The following DBF4B variants were observed in gnomAD, a reference collection of about 807,000 sequenced individuals.
DBF4B encodes DBF4B-CDC7 kinase regulatory subunit, also known as protein DBF4 homolog B.
In DBF4B, 49 loss-of-function variants were observed where a neutral mutation model predicts 53.4. That is an observed-to-expected ratio of 0.92 (90% confidence interval 0.73 to 1.16). The LOEUF (loss-of-function observed/expected upper bound fraction) is 1.16, where lower values mean the gene tolerates loss of function less well. Ranked by LOEUF, DBF4B falls within the 50% of genes most tolerant of loss-of-function variation. DBF4B has a pLI of 0.00. For synonymous variants in DBF4B, 257 were observed against 288.7 expected (o/e 0.89, Z 1.11); for missense variants, 692 against 775.0 (o/e 0.89, Z 1.27).
At position 44,752,220 on chromosome 17, in the gene DBF4B, G is replaced by T; in HGVS notation, c.*967G>T. Reference sequence around the variant, plus strand: ...GTCTTTAAGTAAGGGGCTTGGATGAGATGATTTCAGGACCCTTTCCAATAA... The same window carrying T: ...GTCTTTAAGTAAGGGGCTTGGATGATATGATTTCAGGACCCTTTCCAATAA... On this transcript the variant is annotated 3_prime_UTR_variant, in exon 14 of 14. Coordinates refer to ENST00000315005, the MANE Select transcript of DBF4B (RefSeq NM_145663.3). 1.9e-6 allele frequency: 1 copy of T among 528,030 alleles called. No homozygotes were observed. The highest frequency in any genetic ancestry group is 3.4e-6 in the Non-Finnish European group (1 of 292,042). The allele number at this position is 528,030 out of a possible 1,614,324, so 32.7% of individuals were successfully genotyped here. A position where few individuals can be genotyped will look rare whatever the true frequency, so the allele number is the denominator to read the frequency against.
chr17:44,738,758 GTGTATGC>G (rs535425273), intron 9 of DBF4B, among the ~76,000 whole-genome samples: 369 of 152,296 alleles, frequency 2.4e-3, no homozygotes, highest in Non-Finnish European at 3.8e-3. Flanking sequence ...TTCCCCTTGG[GTGTATGC>G]TGACATTTCA....
At chr17:44,738,684 C>T (rs931743780) in intron 9 of DBF4B, among the ~76,000 whole-genome samples, 15 of 152,180 alleles carry the variant, frequency 9.9e-5, no homozygotes, top group South Asian at 2.1e-4. Context: ...TGTGAATTAC[C>T]TCCATTTAAT....
At position 44,751,900 on chromosome 17, in the gene DBF4B, C is replaced by A. The variant is rs749384869; in HGVS notation, c.*647C>A. The A allele has an allele frequency of 2.0e-6, 3 of 1,536,208 alleles. No individual in the cohort carries two copies. Among genetic ancestry groups the A allele is most frequent in the South Asian group, 1.2e-5 (1 of 84,058 alleles). On this transcript the variant is annotated 3_prime_UTR_variant, in exon 14 of 14. Coordinates refer to ENST00000315005, the MANE Select transcript of DBF4B (RefSeq NM_145663.3). ...TGGCCTGGTTCTCCTGTCCCCCTGC[C>A]CTTCCTCACCATTGCCCATTCCCTC...
intron 7 of DBF4B, among the ~76,000 whole-genome samples, chr17:44,734,994 C>T (rs1374582376): frequency 6.6e-6 from 1 of 152,078 alleles, no homozygotes; most frequent in African/African-American, 2.4e-5. Context: ...ATCCCAGCTA[C>T]TCAGGAGGCT....
intron 2 of DBF4B, among the ~76,000 whole-genome samples, chr17:44,714,448 TG>T (rs1973156892): frequency 6.6e-6 from 1 of 151,270 alleles, no homozygotes; most frequent in Non-Finnish European, 1.5e-5. Flanking sequence ...TATGCCGATG[TG>T]GTAACAGTCT....
At chr17:44,736,684 C>T (rs1287098738) in intron 7 of DBF4B, 146 bp from the exon 8 acceptor site, 2 of 812,614 alleles carry the variant, frequency 2.5e-6, no homozygotes, top group Non-Finnish European at 4.2e-6. Context: ...TCTGCTCCAG[C>T]TCAGGGCCTG....
At chr17:44,737,724 G>T (rs889640563) in intron 8 of DBF4B, among the ~76,000 whole-genome samples, 1 of 152,070 alleles carries the variant, frequency 6.6e-6, no homozygotes, top group East Asian at 1.9e-4. Context: ...ATCTAATAGG[G>T]GTGAGTCTCT....
rs1568169163 is a variant in DBF4B, at chr17:44,722,980, G to GA, written c.185dup (p.Asn62LysfsTer17). ...TTTACTTGGATCTGCCTGCTGGCAA[G>GA]AATCTCCAGTTTTTGACGGGGGCCA... On this transcript the variant is annotated frameshift_variant, in exon 3 of 14. Coordinates refer to ENST00000315005, the MANE Select transcript of DBF4B (RefSeq NM_145663.3). LOFTEE classifies it high-confidence loss of function. 1 of 1,614,142 alleles carries GA rather than the reference G, an allele frequency of 6.2e-7. No homozygotes were observed. Among genetic ancestry groups the GA allele is most frequent in the South Asian group, 1.1e-5 (1 of 91,078 alleles).
At chr17:44,736,786 C>G in intron 7 of DBF4B, 44 bp from the exon 8 acceptor site, 1 of 1,612,090 alleles carries the variant, frequency 6.2e-7, no homozygotes, top group Non-Finnish European at 8.5e-7. Context: ...CCTTGACCCC[C>G]GTGGCTTCCT....
chr17:44,728,788 G>C (rs1479162832), intron 3 of DBF4B, among the ~76,000 whole-genome samples: 1 of 150,550 alleles, frequency 6.6e-6, no homozygotes, highest in Admixed American at 6.6e-5. Flanking sequence ...CTGCACTCCA[G>C]CCTGGTGACA....
chr17:44,742,673 G>T (rs1976187664), intron 10 of DBF4B, among the ~76,000 whole-genome samples: 1 of 152,136 alleles, frequency 6.6e-6, no homozygotes, highest in Non-Finnish European at 1.5e-5. Context: ...TGTGATTTCA[G>T]TGAATATCAA....
At position 44,750,600 on chromosome 17, in the gene DBF4B, C is replaced by G; in HGVS notation, c.1195C>G (p.Gln399Glu). The G allele has an allele frequency of 6.2e-7, 1 of 1,608,770 alleles. No homozygotes were observed. The highest frequency in any genetic ancestry group is 1.1e-5 in the South Asian group (1 of 90,654). ...GTCCTTGATCTGCCCTCCAGTGACC[C>G]AAGGCAGGGCTGCGGGCCAGCAGCG... ...KEDSCQASVTQGRAAGQQRWT... is the reference protein window; with the variant it reads ...KEDSCQASVTEGRAAGQQRWT... Residue 399 changes from glutamine (Q) to glutamate (E), a missense_variant, in exon 14 of 14, where the codon CAA becomes GAA. By Grantham distance (29) the Gln-to-Glu change is conservative. Around this residue, in one of 3 missense-constraint regions of DBF4B, gnomAD observed 597 missense variants for 665.8 expected, o/e 0.90. Transcript: ENST00000315005.
chr17:44,729,993 G>A lies in DBF4B; in HGVS notation c.314G>A (p.Arg105Lys). Residue 105 changes from arginine to lysine, a missense_variant, in exon 4 of 14, where the codon AGA becomes AAA. Physicochemically the swap from Arg to Lys is conservative, Grantham distance 26 (BLOSUM62 2). This residue lies in a region of DBF4B where 597 missense variants were observed against 665.8 expected (regional missense o/e 0.90). Transcript: ENST00000315005. ...VKAESSGKSH[R>K]GCPSPSPSEV... Reference sequence around the variant, plus strand: ...GCAGAGAGCAGTGGGAAAAGCCATAGAGGCTGCCCTAGCCCTAGCCCCAGT... The same window carrying A: ...GCAGAGAGCAGTGGGAAAAGCCATAAAGGCTGCCCTAGCCCTAGCCCCAGT... The A allele has an allele frequency of 6.2e-7, 1 of 1,613,946 alleles. No individual in the cohort carries two copies. The highest frequency in any genetic ancestry group is 1.3e-5 in the African/African-American group (1 of 75,036).
At chr17:44,736,727 GA>G (rs1975478907) in intron 7 of DBF4B, 102 bp from the exon 8 acceptor site, 1 of 1,314,566 alleles carries the variant, frequency 7.6e-7, no homozygotes, top group African/African-American at 1.5e-5. Flanking sequence ...TCAACAGCAG[GA>G]AGCAAAGTGG....
rs149095908 is a variant in DBF4B at position 44,734,109 on chromosome 17, A to G, written c.576A>G (p.Gln192=). 1.1e-5 allele frequency: 17 copies of G among 1,614,200 alleles called. No homozygotes were observed. Among genetic ancestry groups the G allele is most frequent in the Non-Finnish European group, 1.4e-5 (16 of 1,180,030 alleles). Residue 192 remains glutamine (Q), a synonymous_variant, in exon 7 of 14, where the codon CAA becomes CAG. Coordinates refer to ENST00000315005, the MANE Select transcript of DBF4B (RefSeq NM_145663.3). ...CCACAGAAATGATGATGCACGTGCA[A>G]CAGCTGTCTCTTGCGTCTTTATGTG... ...LHVDEMMMHV[Q]QLSLASLCVK...
intron 5 of DBF4B, chr17:44,731,244 T>C: frequency 2.0e-6 from 1 of 489,158 alleles, no homozygotes; most frequent in Non-Finnish European, 3.8e-6. Context: ...CTCTGGAGCC[T>C]ACCAAGAGAA....
At chr17:44,718,168 A>C (rs1385095723) in intron 2 of DBF4B, among the ~76,000 whole-genome samples, 2 of 152,152 alleles carry the variant, frequency 1.3e-5, no homozygotes, top group African/African-American at 4.8e-5. Flanking sequence ...ACGATGGCTC[A>C]TGCCTGTAAT....
intron 3 of DBF4B, among the ~76,000 whole-genome samples, chr17:44,727,874 T>C (rs1236252756): frequency 8.2e-5 from 12 of 147,084 alleles, no homozygotes; most frequent in Admixed American, 3.4e-4. Context: ...ATTTTTTTTT[T>C]TTTTTTTTTT....
chr17:44,723,110 A>G (rs1973997138), intron 3 of DBF4B, 88 bp downstream of exon 3: 2 of 1,528,258 alleles, frequency 1.3e-6, no homozygotes, highest in Non-Finnish European at 1.8e-6. Flanking sequence ...ATGGTTTCCA[A>G]GTATTTTCTT....
Sources: allele counts gnomAD v4.1 joint callset (sites outside exome capture counted in the v4.1 genomes callset), GRCh38; gene constraint gnomAD v4.1.1; regional missense constraint gnomAD v4.1.1; transcripts MANE v1.5; gene names NCBI Gene and HGNC (gene_info 2026-07-23, HGNC 2026-07-21).